GALNT17: variants seen among roughly 807,000 people sequenced by gnomAD.
GALNT17 encodes the protein polypeptide N-acetylgalactosaminyltransferase 17, also known as UDP-GalNAc:polypeptide N-acetylgalactosaminyltransferase-like 3.
Under a neutral mutation model 63.7 loss-of-function variants are expected in GALNT17, and 29 were observed. That is an observed-to-expected ratio of 0.46 (90% CI 0.34 to 0.62). The LOEUF (loss-of-function observed/expected upper bound fraction) is 0.62, where lower values mean the gene tolerates loss of function less well. Among genes scored for constraint, GALNT17 ranks in the 20% least tolerant of loss-of-function variants. The pLI, the probability that GALNT17 is intolerant of heterozygous loss-of-function variation, is 0.01. For missense variants in GALNT17, 603 were observed against 799.6 expected, an observed-to-expected ratio of 0.75 and a Z score of 2.97; for synonymous variants, 305 against 318.3, an observed-to-expected ratio of 0.96 and a Z score of 0.45.
intron 1 of GALNT17, among the ~76,000 whole-genome samples, chr7:71,328,161 C>T (rs1022185733): frequency 3.9e-5 from 6 of 152,180 alleles, no homozygotes; most frequent in Non-Finnish European, 5.9e-5. Flanking sequence ...TCTTTATCTT[C>T]GAGTTCTTAC....
intron 1 of GALNT17, among the ~76,000 whole-genome samples, chr7:71,158,339 C>G (rs967914948): frequency 6.6e-6 from 1 of 151,542 alleles, no homozygotes. Context: ...GTGTCACTGG[C>G]TGTGCCGCCT....
Position 71,612,437 on chromosome 7 carries a change from C to T in GALNT17, c.1080+41035C>T, listed in dbSNP as rs138446346. Among the ~76,000 whole-genome samples, 8 of 152,348 alleles carry T rather than the reference C, an allele frequency of 5.3e-5. No homozygotes were observed. The East Asian group carries it at 1.5e-3, about 29-fold the overall frequency. On this transcript the variant is annotated intron_variant, in intron 6 of 10. Transcript: ENST00000333538. ...TGGACCACCAGCATCCAGCTCCACG[C>T]TCTTCGTGCATTGGGTCGAAATTAG...
At chr7:71,687,903 G>A (rs1584139111) in intron 9 of GALNT17, among the ~76,000 whole-genome samples, 2 of 152,010 alleles carry the variant, frequency 1.3e-5, no homozygotes, top group South Asian at 4.2e-4. Flanking sequence ...TTGCTGTGTT[G>A]CCCAAGCTGG....
At chr7:71,430,303 A>G (rs1016314182) in intron 5 of GALNT17, among the ~76,000 whole-genome samples, 1 of 152,226 alleles carries the variant, frequency 6.6e-6, no homozygotes, top group Non-Finnish European at 1.5e-5. Flanking sequence ...GAATGCACCT[A>G]GGTTAGGTGC....
chr7:71,276,135 G>A (rs1190135190), intron 1 of GALNT17, among the ~76,000 whole-genome samples: 8 of 152,218 alleles, frequency 5.3e-5, no homozygotes, highest in South Asian at 2.1e-4. Flanking sequence ...CGGCCTCTCC[G>A]GCACCTGAGA....
At chr7:71,344,916 G>T (rs949065503) in intron 2 of GALNT17, among the ~76,000 whole-genome samples, 1 of 152,164 alleles carries the variant, frequency 6.6e-6, no homozygotes, top group Non-Finnish European at 1.5e-5. Flanking sequence ...AAGTGATCTT[G>T]TTAACCAGGA....
chr7:71,410,049 C>CTTAAT (rs1224983936), intron 3 of GALNT17, among the ~76,000 whole-genome samples: 5 of 152,078 alleles, frequency 3.3e-5, no homozygotes, highest in African/African-American at 9.7e-5. Context: ...AAAGGGAAAA[C>CTTAAT]TTAATATTTT....
At chr7:71,431,304 G>A (rs1053248250) in intron 5 of GALNT17, among the ~76,000 whole-genome samples, 8 of 147,256 alleles carry the variant, frequency 5.4e-5, no homozygotes, top group African/African-American at 1.5e-4. Context: ...TCCACCTCCC[G>A]GGTTCAAGTG....
At chr7:71,326,773 C>T (rs541113082) in intron 1 of GALNT17, among the ~76,000 whole-genome samples, 1 of 152,236 alleles carries the variant, frequency 6.6e-6, no homozygotes, top group East Asian at 1.9e-4. Flanking sequence ...AGCTGTATCT[C>T]GTGACTCATT....
intron 6 of GALNT17, among the ~76,000 whole-genome samples, chr7:71,628,549 G>T (rs76855636): frequency 6.6e-6 from 1 of 151,952 alleles, no homozygotes; most frequent in African/African-American, 2.4e-5. Flanking sequence ...TCTCTAACTC[G>T]TGACCTCAGG....
At chr7:71,494,631 G>A (rs1170659622) in intron 5 of GALNT17, among the ~76,000 whole-genome samples, 1 of 152,142 alleles carries the variant, frequency 6.6e-6, no homozygotes, top group Non-Finnish European at 1.5e-5. Flanking sequence ...ACTATTGGGA[G>A]TACAGGTCTG....
chr7:71,677,366 C>G (rs918489823), intron 9 of GALNT17, 60 bp downstream of exon 9: 1 of 1,491,830 alleles, frequency 6.7e-7, no homozygotes, highest in Non-Finnish European at 9.1e-7. Flanking sequence ...CCACAGAGGC[C>G]TTGCAGGCCT....
chr7:71,274,879 CA>C (rs984558085), intron 1 of GALNT17, among the ~76,000 whole-genome samples: 160 of 152,096 alleles, frequency 1.1e-3, no homozygotes, highest in African/African-American at 3.7e-3. Flanking sequence ...GAGAACTTTT[CA>C]AAAAAATAGT....
intron 1 of GALNT17, among the ~76,000 whole-genome samples, chr7:71,180,599 C>T (rs1480885541): frequency 6.6e-6 from 1 of 152,148 alleles, no homozygotes; most frequent in East Asian, 1.9e-4. Flanking sequence ...CACCCTTCTG[C>T]AGATGAAAAA....
intron 6 of GALNT17, among the ~76,000 whole-genome samples, chr7:71,625,772 C>T (rs1279783144): frequency 6.6e-6 from 1 of 152,166 alleles, no homozygotes; most frequent in Non-Finnish European, 1.5e-5. Flanking sequence ...CTGGAGAGAC[C>T]AGATGCCTTT....
intron 9 of GALNT17, among the ~76,000 whole-genome samples, chr7:71,700,363 G>T (rs146211749): frequency 2.2e-4 from 33 of 151,618 alleles, no homozygotes; most frequent in Non-Finnish European, 4.1e-4. Flanking sequence ...TCTCAAATCT[G>T]TCTTCTTCTA....
intron 6 of GALNT17, among the ~76,000 whole-genome samples, chr7:71,594,417 G>A (rs1345048536): frequency 3.9e-5 from 6 of 152,114 alleles, no homozygotes; most frequent in Admixed American, 1.3e-4. Context: ...AGCCTCCTGA[G>A]TAGCTGGGAC....
chr7:71,460,889 G>A (rs545018469), intron 5 of GALNT17, among the ~76,000 whole-genome samples: 2 of 152,172 alleles, frequency 1.3e-5, no homozygotes, highest in African/African-American at 2.4e-5. Flanking sequence ...TTTGGTTTTG[G>A]TGGGTTTTGG....
chr7:71,506,293 G>C (rs796188952), intron 5 of GALNT17, among the ~76,000 whole-genome samples: 86 of 152,234 alleles, frequency 5.6e-4, no homozygotes, highest in African/African-American at 2.0e-3. Flanking sequence ...TTGAGATGGA[G>C]TCTTGCTCTG....
Sources: allele counts gnomAD v4.1 joint callset (sites outside exome capture counted in the v4.1 genomes callset), GRCh38; gene constraint gnomAD v4.1.1; transcripts MANE v1.5; gene names NCBI Gene and HGNC (gene_info 2026-07-23, HGNC 2026-07-21).